KLHL29: variants seen among roughly 807,000 people sequenced by gnomAD.
The protein encoded by KLHL29 is kelch-like protein 29.
KLHL29 carries 21 observed loss-of-function variants against 80.4 expected under a neutral mutation model. That is an observed-to-expected ratio of 0.26 (90% CI 0.19 to 0.38). The LOEUF is 0.38. Ranked by LOEUF, KLHL29 falls within the 10% of genes least tolerant of loss-of-function variation. The pLI, the probability that KLHL29 is intolerant of heterozygous loss-of-function variation, is 1.00. For synonymous variants in KLHL29, 511 were observed against 526.8 expected (o/e 0.97, Z 0.41); for missense variants, 867 against 1,223.9 (o/e 0.71, Z 4.35).
In KLHL29 at chr2:23,465,782, G is replaced by A. The variant is rs559422130; in HGVS notation, c.-153-9778G>A. On this transcript the variant is annotated intron_variant, in intron 1 of 13. Coordinates refer to ENST00000486442, the MANE Select transcript of KLHL29 (RefSeq NM_052920.2). ...AGGCACCACCTTCCTCCAGGACCCC[G>A]CTTAAGCCCTGCTGTGAAGTCGTCC... is the stretch of plus-strand genomic sequence containing the variant. Among the ~76,000 whole-genome samples, 7 of 152,216 alleles carry A rather than the reference G, an allele frequency of 4.6e-5. No homozygotes were observed. The South Asian group carries it at 6.2e-4, about 14-fold the overall frequency.
chr2:23,599,010 T>TC (rs913681783), intron 3 of KLHL29, among the ~76,000 whole-genome samples: 1 of 152,236 alleles, frequency 6.6e-6, no homozygotes, highest in Admixed American at 6.5e-5. Flanking sequence ...CATGGGAAAC[T>TC]CCAAGATTCC....
intron 1 of KLHL29, among the ~76,000 whole-genome samples, chr2:23,415,390 T>G (rs1666958956): frequency 6.6e-6 from 1 of 152,236 alleles, no homozygotes; most frequent in Non-Finnish European, 1.5e-5. Flanking sequence ...TGTGCATGTG[T>G]GAATTTTAAA....
intron 2 of KLHL29, among the ~76,000 whole-genome samples, chr2:23,510,142 G>A (rs536219329): frequency 2.6e-5 from 4 of 152,228 alleles, no homozygotes; most frequent in African/African-American, 7.2e-5. Context: ...CCTTTATTCA[G>A]TGTGAGGCCA....
intron 1 of KLHL29, among the ~76,000 whole-genome samples, chr2:23,471,882 G>A (rs1165042391): frequency 2.0e-5 from 3 of 152,136 alleles, no homozygotes; most frequent in African/African-American, 7.2e-5. Flanking sequence ...AGATTTTACA[G>A]TGTTAACTTG....
intron 1 of KLHL29, among the ~76,000 whole-genome samples, chr2:23,433,528 C>T (rs1663245897): frequency 9.2e-6 from 1 of 108,972 alleles, no homozygotes; most frequent in Non-Finnish European, 1.8e-5. Flanking sequence ...CAAAGTACAT[C>T]CCCACAGCAG....
At chr2:23,651,360 T>C (rs1221451917) in intron 5 of KLHL29, among the ~76,000 whole-genome samples, 1 of 152,206 alleles carries the variant, frequency 6.6e-6, no homozygotes, top group African/African-American at 2.4e-5. Flanking sequence ...AGTCTGGTTC[T>C]GCCCACAGGC....
chr2:23,474,014 A>G (rs887628483), intron 1 of KLHL29, among the ~76,000 whole-genome samples: 21 of 151,822 alleles, frequency 1.4e-4, no homozygotes, highest in African/African-American at 4.6e-4. Flanking sequence ...CCCTACTTAA[A>G]CTGCACCACA....
chr2:23,448,724 G>A (rs749703329), intron 1 of KLHL29, among the ~76,000 whole-genome samples: 56 of 152,192 alleles, frequency 3.7e-4, no homozygotes, highest in Non-Finnish European at 7.2e-4. Context: ...TTCAGAGTTG[G>A]CATGCCTTTT....
chr2:23,676,778 C>T (rs868800720), intron 5 of KLHL29, among the ~76,000 whole-genome samples: 2 of 152,144 alleles, frequency 1.3e-5, no homozygotes, highest in South Asian at 2.1e-4. Flanking sequence ...TTGGGGGATG[C>T]GTGGAACATG....
intron 3 of KLHL29, among the ~76,000 whole-genome samples, chr2:23,622,798 A>G (rs577952925): frequency 2.0e-5 from 3 of 152,392 alleles, no homozygotes; most frequent in African/African-American, 7.2e-5. Context: ...TGTTCCAGGC[A>G]TGGTTCTAAG....
At chr2:23,438,268 T>A (rs1663403312) in intron 1 of KLHL29, among the ~76,000 whole-genome samples, 1 of 152,034 alleles carries the variant, frequency 6.6e-6, no homozygotes, top group Non-Finnish European at 1.5e-5. Context: ...AGAGACAATT[T>A]GACTTCCTCT....
At chr2:23,443,590 G>A (rs1041080167) in intron 1 of KLHL29, among the ~76,000 whole-genome samples, 4 of 152,136 alleles carry the variant, frequency 2.6e-5, no homozygotes, top group Admixed American at 2.6e-4. Context: ...TCCTTGCAGT[G>A]CTGTCTAACT....
At chr2:23,521,365 A>G (rs1236782056) in intron 2 of KLHL29, among the ~76,000 whole-genome samples, 1 of 152,222 alleles carries the variant, frequency 6.6e-6, no homozygotes, top group Admixed American at 6.5e-5. Context: ...TTCCAAGCAG[A>G]CTTTATTTCC....
chr2:23,550,211 T>C (rs1222583758), intron 2 of KLHL29, among the ~76,000 whole-genome samples: 1 of 151,954 alleles, frequency 6.6e-6, no homozygotes, highest in African/African-American at 2.4e-5. Flanking sequence ...CATGATTTGA[T>C]GAGAAAAGGG....
At chr2:23,437,828 T>C (rs1663387680) in intron 1 of KLHL29, among the ~76,000 whole-genome samples, 1 of 152,210 alleles carries the variant, frequency 6.6e-6, no homozygotes, top group Admixed American at 6.5e-5. Context: ...TCAAAGTAGT[T>C]TTTTCCAATT....
Position 23,447,480 on chromosome 2 carries a change from C to T in KLHL29, c.-153-28080C>T, listed in dbSNP as rs1306932303. Among the ~76,000 whole-genome samples, 10 of 152,284 alleles carry T rather than the reference C, an allele frequency of 6.6e-5. No individual in the cohort carries two copies. The East Asian group carries it at 1.7e-3, about 26-fold the overall frequency. On this transcript the variant is annotated intron_variant, in intron 1 of 13. Transcript: ENST00000486442. ...CAATGCCTCTGCACCTTTCTCCTTG[C>T]CTGGGAAATTTCTGCATTTGTTGTA...
intron 5 of KLHL29, among the ~76,000 whole-genome samples, chr2:23,661,487 G>A (rs7593191): frequency 0.8 from 121,511 of 152,242 alleles, 51,294 homozygotes; most frequent in East Asian, 0.99. Context: ...CCCTGCGTTC[G>A]TCACAGGGCC....
chr2:23,641,155 G>T (rs1264867395), intron 4 of KLHL29, among the ~76,000 whole-genome samples: 1 of 152,136 alleles, frequency 6.6e-6, no homozygotes, highest in Non-Finnish European at 1.5e-5. Context: ...GGCCTTCCCT[G>T]TCATGGTGTC....
chr2:23,630,906 G>A (rs144479806), intron 3 of KLHL29, among the ~76,000 whole-genome samples: 40 of 152,334 alleles, frequency 2.6e-4, no homozygotes, highest in African/African-American at 8.9e-4. Flanking sequence ...AGTGGAGGAG[G>A]CTGTTAGGAC....
Sources: gnomAD v4.1 joint callset for allele counts (sites outside exome capture counted in the v4.1 genomes callset) on GRCh38, gnomAD v4.1.1 for gene constraint, MANE v1.5 for transcripts, NCBI Gene and HGNC (gene_info 2026-07-23, HGNC 2026-07-21) for gene names.